ACYP2: variants seen among roughly 807,000 people sequenced by gnomAD.
ACYP2 encodes the protein acylphosphatase-2.
Under a neutral mutation model 11.2 loss-of-function variants are expected in ACYP2, and 12 were observed. The observed-to-expected ratio is 1.08, with a 90% CI of 0.69 to 1.74. The LOEUF (loss-of-function observed/expected upper bound fraction) is 1.74. ACYP2 is among the 40% of genes most tolerant of loss of function. The pLI, the probability that ACYP2 is intolerant of heterozygous loss-of-function variation, is 0.00. For missense variants in ACYP2, 134 were observed against 101.9 expected, an observed-to-expected ratio of 1.31 and a Z score of -1.35; for synonymous variants, 43 against 32.2, an observed-to-expected ratio of 1.33 and a Z score of -1.13.
chr2:54,091,950 C>T (rs1299323733), intron 4 of ACYP2, among the ~76,000 whole-genome samples: 3 of 151,928 alleles, frequency 2.0e-5, no homozygotes, highest in African/African-American at 4.8e-5. Flanking sequence ...TGTAATAGTC[C>T]GTGTGAGAAA....
chr2:54,174,552 C>T (rs1318342881), intron 6 of ACYP2, among the ~76,000 whole-genome samples: 3 of 152,172 alleles, frequency 2.0e-5, no homozygotes, highest in African/African-American at 4.8e-5. Flanking sequence ...CCAGAACTTC[C>T]GACCCTATGT....
chr2:54,092,591 T>G (rs1678294534), intron 4 of ACYP2, among the ~76,000 whole-genome samples: 1 of 152,088 alleles, frequency 6.6e-6, no homozygotes, highest in Non-Finnish European at 1.5e-5. Flanking sequence ...GAATTGGTAG[T>G]GGAAGAGGGA....
At chr2:54,064,472 A>G (rs1676634482) in intron 4 of ACYP2, among the ~76,000 whole-genome samples, 2 of 151,994 alleles carry the variant, frequency 1.3e-5, no homozygotes, top group Non-Finnish European at 2.9e-5. Context: ...TATCTTTTAT[A>G]AATTTCTTTC....
At chr2:54,210,567 C>T (rs1210252132) in intron 6 of ACYP2, among the ~76,000 whole-genome samples, 1 of 152,076 alleles carries the variant, frequency 6.6e-6, no homozygotes, top group Admixed American at 6.6e-5. Flanking sequence ...AAGATGTTGC[C>T]ACAAGTCTAG....
At chr2:54,104,872 T>C (rs1037487834) in intron 4 of ACYP2, among the ~76,000 whole-genome samples, 2 of 152,132 alleles carry the variant, frequency 1.3e-5, no homozygotes, top group African/African-American at 2.4e-5. Context: ...AAAAGGCTGA[T>C]AGGGGATTGC....
intron 6 of ACYP2, among the ~76,000 whole-genome samples, chr2:54,240,197 G>A (rs1358489438): frequency 6.6e-6 from 1 of 152,160 alleles, no homozygotes; most frequent in South Asian, 2.1e-4. Context: ...CTTAGATGGG[G>A]GTGGGTGTCA....
At chr2:54,079,934 A>T (rs1677557035) in intron 4 of ACYP2, 1 of 152,914 alleles carries the variant, frequency 6.5e-6, no homozygotes, top group African/African-American at 2.4e-5. Context: ...TTTTCCAGAG[A>T]ATAATGTTTC....
intron 2 of ACYP2, among the ~76,000 whole-genome samples, chr2:54,023,096 G>T (rs1039058159): frequency 1.3e-5 from 2 of 152,098 alleles, no homozygotes; most frequent in Non-Finnish European, 2.9e-5. Context: ...AAGGGTAAAA[G>T]AAAAAATATT....
At chr2:54,234,194 A>AT (rs1195321863) in intron 6 of ACYP2, among the ~76,000 whole-genome samples, 1 of 152,174 alleles carries the variant, frequency 6.6e-6, no homozygotes, top group East Asian at 1.9e-4. Context: ...TTTCCTGGGC[A>AT]TTTTTGTGCT....
At chr2:53,978,965 G>A (rs528538104) in intron 2 of ACYP2, among the ~76,000 whole-genome samples, 3 of 151,732 alleles carry the variant, frequency 2.0e-5, no homozygotes, top group South Asian at 2.1e-4. Context: ...CATACAGCAC[G>A]TGATACCTGA....
rs1297138531 is a variant in ACYP2 at position 54,112,360 on chromosome 2, C to T, written c.278-23093C>T. ...GCATTGTACGTGAAGGACCTGCATA[C>T]ATTTGTTTGTATAAAAAGCCAAATA... On this transcript the variant is annotated intron_variant, in intron 4 of 6. Transcript: ENST00000607452. 5.3e-5 allele frequency among the ~76,000 whole-genome samples: 8 copies of T among 152,204 alleles called. No individual in the cohort carries two copies. In the East Asian group the frequency reaches 1.3e-3, roughly 26 times the overall value.
At chr2:54,141,980 A>C (rs1681628836) in intron 6 of ACYP2, 1 of 497,030 alleles carries the variant, frequency 2.0e-6, no homozygotes, top group African/African-American at 2.1e-5. Context: ...CATGCTGGCT[A>C]ATTTGTGTGT....
chr2:54,109,778 TCA>T (rs1012846260), intron 4 of ACYP2, among the ~76,000 whole-genome samples: 2 of 152,174 alleles, frequency 1.3e-5, no homozygotes, highest in African/African-American at 4.8e-5. Context: ...TGCCCCACAT[TCA>T]GTTACCCTAT....
At chr2:54,147,934 G>T (rs1346560824) in intron 6 of ACYP2, among the ~76,000 whole-genome samples, 3 of 151,952 alleles carry the variant, frequency 2.0e-5, no homozygotes, top group Non-Finnish European at 2.9e-5. Flanking sequence ...ACTTAAAAAT[G>T]GATATAAAAA....
chr2:54,244,349 G>A (rs1686859931), intron 6 of ACYP2, among the ~76,000 whole-genome samples: 1 of 152,004 alleles, frequency 6.6e-6, no homozygotes, highest in Admixed American at 6.6e-5. Flanking sequence ...TTACAGGTGT[G>A]CACCACCACA....
At chr2:54,279,257 T>G (rs762740956) in intron 6 of ACYP2, among the ~76,000 whole-genome samples, 1 of 152,172 alleles carries the variant, frequency 6.6e-6, no homozygotes, top group Non-Finnish European at 1.5e-5. Flanking sequence ...TTTTTGTAAA[T>G]CAAGTTGTAC....
chr2:54,207,560 C>G (rs1396061407), intron 6 of ACYP2, among the ~76,000 whole-genome samples: 7 of 152,202 alleles, frequency 4.6e-5, no homozygotes, highest in African/African-American at 1.7e-4. Flanking sequence ...GCACCATAGT[C>G]TAGCCAAGTT....
At chr2:54,215,863 CTG>C (rs1685538777) in intron 6 of ACYP2, among the ~76,000 whole-genome samples, 1 of 152,068 alleles carries the variant, frequency 6.6e-6, no homozygotes, top group Non-Finnish European at 1.5e-5. Flanking sequence ...CATTTAAAAA[CTG>C]TCTTTATATG....
chr2:54,135,367 C>A, intron 4 of ACYP2, 86 bp from the exon 2 acceptor site: 1 of 1,233,130 alleles, frequency 8.1e-7, no homozygotes, highest in Admixed American at 2.1e-5. Flanking sequence ...TAAATGGGGA[C>A]CACCTAGATA....
Sources: gnomAD v4.1 joint callset for allele counts (sites outside exome capture counted in the v4.1 genomes callset) on GRCh38, gnomAD v4.1.1 for gene constraint, MANE v1.5 for transcripts, NCBI Gene and HGNC (gene_info 2026-07-23, HGNC 2026-07-21) for gene names.